ZNF704: variants seen among roughly 807,000 people sequenced by gnomAD.
ZNF704 encodes the protein zinc finger protein 704.
In ZNF704, 10 loss-of-function variants were observed where a neutral mutation model predicts 44.7. The observed-to-expected ratio is 0.22, with a 90% CI of 0.14 to 0.38. ZNF704 has a LOEUF of 0.38. ZNF704 is among the 10% of genes least tolerant of loss of function. ZNF704 has a pLI of 1.00. For missense variants in ZNF704, 390 were observed against 545.5 expected (o/e 0.71, Z 2.84); for synonymous variants, 211 against 207.6 (o/e 1.02, Z -0.14).
At chr8:80,664,023 G>A (rs998620171) in intron 6 of ZNF704, among the ~76,000 whole-genome samples, 9 of 151,892 alleles carry the variant, frequency 5.9e-5, no homozygotes, top group African/African-American at 1.9e-4. Context: ...GAGCCACTGT[G>A]CCCGGCCTTA....
chr8:80,728,124 T>C (rs1448395500), intron 2 of ZNF704, among the ~76,000 whole-genome samples: 3 of 152,256 alleles, frequency 2.0e-5, no homozygotes, highest in Non-Finnish European at 4.4e-5. Flanking sequence ...TGTTTTATGC[T>C]AGAAACTATG....
chr8:80,775,635 G>A (rs1362683180), intron 2 of ZNF704, among the ~76,000 whole-genome samples: 1 of 152,126 alleles, frequency 6.6e-6, no homozygotes, highest in East Asian at 1.9e-4. Flanking sequence ...TAAACTATTT[G>A]CTGAAAATAT....
chr8:80,676,265 A>C, intron 4 of ZNF704, among the ~76,000 whole-genome samples: 1 of 152,216 alleles, frequency 6.6e-6, no homozygotes, highest in East Asian at 1.9e-4. Context: ...TGAGCAGTCA[A>C]GGGAGGGTTT....
intron 2 of ZNF704, among the ~76,000 whole-genome samples, chr8:80,744,033 G>C (rs1806806125): frequency 6.6e-6 from 1 of 152,080 alleles, no homozygotes; most frequent in Non-Finnish European, 1.5e-5. Flanking sequence ...GATCTTTCTA[G>C]ACTTGAAACG....
At chr8:80,851,643 G>T (rs1285072800) in intron 1 of ZNF704, among the ~76,000 whole-genome samples, 2 of 151,890 alleles carry the variant, frequency 1.3e-5, no homozygotes, top group Admixed American at 1.3e-4. Flanking sequence ...GTTAATGGGT[G>T]CAGCACACCA....
At chr8:80,813,051 A>G (rs1808115977) in intron 2 of ZNF704, among the ~76,000 whole-genome samples, 1 of 152,350 alleles carries the variant, frequency 6.6e-6, no homozygotes, top group Admixed American at 6.5e-5. Flanking sequence ...CGGGCATCAC[A>G]AAAGTGGTAT....
At chr8:80,742,690 A>G (rs1806780474) in intron 2 of ZNF704, among the ~76,000 whole-genome samples, 1 of 152,156 alleles carries the variant, frequency 6.6e-6, no homozygotes, top group African/African-American at 2.4e-5. Context: ...AGATCTACCG[A>G]GGACCCCTGG....
At chr8:80,821,739 T>A in intron 1 of ZNF704, 124 bp from the exon 2 acceptor site, 1 of 712,642 alleles carries the variant, frequency 1.4e-6, no homozygotes, top group Non-Finnish European at 2.3e-6. Context: ...ATTGTATAAT[T>A]TTAATAAGAA....
intron 1 of ZNF704, among the ~76,000 whole-genome samples, chr8:80,855,870 C>A (rs930389226): frequency 6.6e-6 from 1 of 152,202 alleles, no homozygotes; most frequent in Admixed American, 6.5e-5. Flanking sequence ...TTCACTTGGT[C>A]TCTGAAAATA....
At chr8:80,801,787 C>T (rs972274665) in intron 2 of ZNF704, among the ~76,000 whole-genome samples, 2 of 151,842 alleles carry the variant, frequency 1.3e-5, no homozygotes, top group Non-Finnish European at 2.9e-5. Flanking sequence ...AGCAAACAAA[C>T]CCCAACGCTA....
chr8:80,632,149 T>G lies in ZNF704; in HGVS notation c.*9217A>C, dbSNP rs1401008742. On this transcript the variant is annotated 3_prime_UTR_variant, in exon 9 of 9. Coordinates refer to ENST00000327835, the MANE Select transcript of ZNF704 (RefSeq NM_001033723.3). ...GTAGAGAGAATTCAGAAGAAATAGA[T>G]GAGCACCTTTGTTTTTTTCTGTTTA... 6.6e-6 allele frequency: 1 copy of G among 152,186 alleles called. No homozygotes were observed. Among genetic ancestry groups the G allele is most frequent in the African/African-American group, 2.4e-5 (1 of 41,448 alleles). 9.4% of individuals were successfully genotyped at this position (152,186 alleles called of 1,614,324 possible). A position where few individuals can be genotyped will look rare whatever the true frequency, so the allele number is the denominator to read the frequency against.
chr8:80,781,994 A>AT lies in ZNF704; in HGVS notation c.221+39379dup, dbSNP rs569997605. On this transcript the variant is annotated intron_variant, in intron 2 of 8. Coordinates refer to ENST00000327835, the MANE Select transcript of ZNF704 (RefSeq NM_001033723.3). ...ATCAGTTAAATGTAATTAGCAATAAATGGCTTTTGCTATATCTCATAATGT... is the reference window on the plus strand; with the variant it reads ...ATCAGTTAAATGTAATTAGCAATAAATTGGCTTTTGCTATATCTCATAATGT... Among the ~76,000 whole-genome samples the AT allele has an allele frequency of 2.7e-3, 408 of 152,318 alleles. 5 individuals carry two copies. Among genetic ancestry groups the AT allele is most frequent in the Admixed American group, 0.025 (378 of 15,290 alleles).
chr8:80,712,518 T>C (rs1172546350), intron 2 of ZNF704, among the ~76,000 whole-genome samples: 2 of 152,154 alleles, frequency 1.3e-5, no homozygotes, highest in African/African-American at 2.4e-5. Context: ...CCCAGAGACA[T>C]GTCAAAAACT....
chr8:80,751,320 G>C (rs1806939376), intron 2 of ZNF704, among the ~76,000 whole-genome samples: 1 of 152,182 alleles, frequency 6.6e-6, no homozygotes. Flanking sequence ...ATAAGGAAGA[G>C]AGGAAGAGAA....
At chr8:80,843,360 T>C (rs554047410) in intron 1 of ZNF704, among the ~76,000 whole-genome samples, 8 of 152,318 alleles carry the variant, frequency 5.3e-5, no homozygotes, top group East Asian at 1.9e-4. Context: ...TAAGACCATA[T>C]ACAGGGCAAA....
chr8:80,807,974 A>G (rs1808017976), intron 2 of ZNF704, among the ~76,000 whole-genome samples: 1 of 152,196 alleles, frequency 6.6e-6, no homozygotes, highest in Admixed American at 6.5e-5. Context: ...ATCTACTCTA[A>G]AAGAGAAACA....
rs371711650 is a variant in ZNF704, at chr8:80,821,555, A to C, written c.40T>G (p.Cys14Gly). ...TGTTGATGAGACATTTTTTTACCACAGTCACGTTTTAAGTCCTCTGACTGA... is the reference window on the plus strand; with the variant it reads ...TGTTGATGAGACATTTTTTTACCACCGTCACGTTTTAAGTCCTCTGACTGA... ...TFQSEDLKRD[C>G]GKKMSHQHVF... The change falls in exon 2 of 9, where the codon TGT becomes GGT. Residue 14 changes from cysteine (C) to glycine (G), a missense_variant. Coordinates refer to ENST00000327835, the MANE Select transcript of ZNF704 (RefSeq NM_001033723.3). The C allele has an allele frequency of 5.3e-5, 85 of 1,613,862 alleles. No homozygotes were observed. The highest frequency in any genetic ancestry group is 7.0e-5 in the Non-Finnish European group (83 of 1,180,002).
chr8:80,667,933 A>G (rs1474259839), intron 5 of ZNF704, among the ~76,000 whole-genome samples: 1 of 152,240 alleles, frequency 6.6e-6, no homozygotes, highest in Non-Finnish European at 1.5e-5. Flanking sequence ...GCTTAGAAGC[A>G]GATCTTACAC....
At chr8:80,759,934 T>C (rs1445305702) in intron 2 of ZNF704, among the ~76,000 whole-genome samples, 1 of 152,146 alleles carries the variant, frequency 6.6e-6, no homozygotes, top group Non-Finnish European at 1.5e-5. Flanking sequence ...AAAAAATACA[T>C]TTTGTAGAGA....
Sources: allele counts gnomAD v4.1 joint callset (sites outside exome capture counted in the v4.1 genomes callset), GRCh38; gene constraint gnomAD v4.1.1; transcripts MANE v1.5; gene names NCBI Gene and HGNC (gene_info 2026-07-23, HGNC 2026-07-21).